Variants in KLF12 observed in about 807,000 individuals in gnomAD.
The protein encoded by KLF12 is Krueppel-like factor 12.
In KLF12, 9 loss-of-function variants were observed where a neutral mutation model predicts 37.8. The ratio of observed to expected loss-of-function variants is 0.24; its 90% CI spans 0.14 to 0.42. KLF12 has a LOEUF of 0.42. Ranked by LOEUF, KLF12 falls within the 10% of genes least tolerant of loss-of-function variation. The pLI is 1.00. For synonymous variants in KLF12, 208 were observed against 202.1 expected, an observed-to-expected ratio of 1.03 and a Z score of -0.25; for missense variants, 411 against 516.0, an observed-to-expected ratio of 0.80 and a Z score of 1.97.
At chr13:73,831,028 A>G (rs5024382) in intron 4 of KLF12, among the ~76,000 whole-genome samples, 61,282 of 148,062 alleles carry the variant, frequency 0.41, 13,675 homozygotes, top group Non-Finnish European at 0.52. Flanking sequence ...ACACACACGC[A>G]TACTTATTTT....
At chr13:73,877,981 C>T (rs1203257062) in intron 3 of KLF12, among the ~76,000 whole-genome samples, 1 of 152,090 alleles carries the variant, frequency 6.6e-6, no homozygotes, top group South Asian at 2.1e-4. Context: ...CCCCCACAGC[C>T]ACCCCGTCAC....
Position 73,921,300 on chromosome 13 carries a change from C to G in KLF12, c.123+22681G>C, listed in dbSNP as rs1014034802. 2.6e-5 allele frequency among the ~76,000 whole-genome samples: 4 copies of G among 152,242 alleles called. No homozygotes were observed. In the East Asian group the frequency reaches 7.7e-4, roughly 29 times the overall value. On this transcript the variant is annotated intron_variant, in intron 3 of 7. Coordinates refer to ENST00000377669, the MANE Select transcript of KLF12 (RefSeq NM_007249.5). ...TAATCTGTTTACTGTCAGATTCTTT[C>G]ATGTACTCAAGTTGCTGAACTTTCA... is the stretch of plus-strand genomic sequence containing the variant.
chr13:74,184,893 T>C, the KLF12 span, among the ~76,000 whole-genome samples: 1 of 152,260 alleles, frequency 6.6e-6, no homozygotes. Flanking sequence ...TGTCTAAAAG[T>C]ATAATTTGTT....
the KLF12 span, among the ~76,000 whole-genome samples, chr13:74,249,950 C>T: frequency 6.6e-6 from 1 of 152,308 alleles, no homozygotes; most frequent in South Asian, 2.1e-4. Flanking sequence ...AATCAGGTCA[C>T]TCAACAGTGT....
the KLF12 span, among the ~76,000 whole-genome samples, chr13:74,275,601 C>A: frequency 1.3e-5 from 2 of 151,952 alleles, no homozygotes; most frequent in African/African-American, 4.8e-5. Context: ...ATTATTGTAT[C>A]TTAAAATATA....
chr13:74,089,431 A>T (rs530288132), intron 1 of KLF12, among the ~76,000 whole-genome samples: 168 of 152,322 alleles, frequency 1.1e-3, no homozygotes, highest in Non-Finnish European at 1.9e-3. Flanking sequence ...CCCATGAAAA[A>T]ATAACAAGTT....
the KLF12 span, among the ~76,000 whole-genome samples, chr13:74,156,118 C>T: frequency 1.3e-5 from 2 of 152,204 alleles, no homozygotes; most frequent in African/African-American, 4.8e-5. Context: ...CTCCACAATG[C>T]ACCTTCCAAA....
intron 6 of KLF12, among the ~76,000 whole-genome samples, chr13:73,745,693 C>T (rs1566337331): frequency 1.3e-5 from 2 of 152,006 alleles, no homozygotes; most frequent in Admixed American, 6.6e-5. Context: ...AATCAGAGGC[C>T]TCCAAATCTA....
chr13:74,270,753 A>G, the KLF12 span, among the ~76,000 whole-genome samples: 1 of 152,030 alleles, frequency 6.6e-6, no homozygotes, highest in Non-Finnish European at 1.5e-5. Flanking sequence ...TAGCCTGCGA[A>G]CCCTGGAGCT....
At chr13:74,226,705 G>T in the KLF12 span, among the ~76,000 whole-genome samples, 189 of 152,198 alleles carry the variant, frequency 1.2e-3, no homozygotes, top group Non-Finnish European at 2.4e-3. Flanking sequence ...ATCAAAATGA[G>T]TCTGCACATA....
In KLF12 at chr13:73,883,171, T is replaced by A. The variant is rs138399720; in HGVS notation, c.124-36798A>T. Reference sequence around the variant, plus strand: ...TTGTTGGTGGCTATTAAATAAAAGATCATGCATTACTGTACATCCTTTTAT... The same window carrying A: ...TTGTTGGTGGCTATTAAATAAAAGAACATGCATTACTGTACATCCTTTTAT... On this transcript the variant is annotated intron_variant, in intron 3 of 7. Coordinates refer to ENST00000377669, the MANE Select transcript of KLF12 (RefSeq NM_007249.5). Among the ~76,000 whole-genome samples, 510 of 152,280 alleles carry A rather than the reference T, an allele frequency of 3.3e-3. 4 individuals carry two copies. The highest frequency in any genetic ancestry group is 0.012 in the African/African-American group (488 of 41,582).
At chr13:74,015,480 T>A (rs773533000) in intron 1 of KLF12, among the ~76,000 whole-genome samples, 6 of 152,212 alleles carry the variant, frequency 3.9e-5, no homozygotes, top group East Asian at 1.9e-4. Context: ...TTGTTATCAT[T>A]GTTATTATTA....
At chr13:73,808,163 T>A (rs1168168808) in intron 5 of KLF12, among the ~76,000 whole-genome samples, 1 of 152,174 alleles carries the variant, frequency 6.6e-6, no homozygotes, top group Admixed American at 6.6e-5. Flanking sequence ...TTAAGGGTAA[T>A]GACCCTGTTT....
chr13:74,293,433 A>T, the KLF12 span, among the ~76,000 whole-genome samples: 1,212 of 152,334 alleles, frequency 8.0e-3, 15 homozygotes, highest in African/African-American at 0.027. Context: ...TAGTAAATGC[A>T]GGATATAATA....
chr13:73,698,713 G>A (rs1393340459), intron 7 of KLF12, among the ~76,000 whole-genome samples: 1 of 152,190 alleles, frequency 6.6e-6, no homozygotes, highest in African/African-American at 2.4e-5. Flanking sequence ...GTTTTCCAGA[G>A]ATGGAAGAGT....
the KLF12 span, among the ~76,000 whole-genome samples, chr13:74,234,743 T>C: frequency 6.6e-6 from 1 of 150,500 alleles, no homozygotes; most frequent in Non-Finnish European, 1.5e-5. Flanking sequence ...TTACCTCTTA[T>C]TCGGAAAAAA....
intron 3 of KLF12, among the ~76,000 whole-genome samples, chr13:73,861,368 A>T (rs1182299639): frequency 6.6e-6 from 1 of 152,110 alleles, no homozygotes; most frequent in Non-Finnish European, 1.5e-5. Context: ...GAACTCTACA[A>T]CTGCCTTTCT....
chr13:73,870,828 G>C (rs1471790842), intron 3 of KLF12, among the ~76,000 whole-genome samples: 1 of 152,056 alleles, frequency 6.6e-6, no homozygotes, highest in East Asian at 1.9e-4. Context: ...GACCAGCCAG[G>C]GGCCTTCTAC....
the KLF12 span, among the ~76,000 whole-genome samples, chr13:74,215,667 C>G: frequency 6.6e-6 from 1 of 152,192 alleles, no homozygotes; most frequent in African/African-American, 2.4e-5. Context: ...AGAACTCGTA[C>G]CCTCTTCATG....
Sources: gnomAD v4.1 joint callset for allele counts (sites outside exome capture counted in the v4.1 genomes callset) on GRCh38, gnomAD v4.1.1 for gene constraint, MANE v1.5 for transcripts, NCBI Gene and HGNC (gene_info 2026-07-23, HGNC 2026-07-21) for gene names.